RBFOX3: variants seen among roughly 807,000 people sequenced by gnomAD.
RBFOX3 encodes the protein RNA binding protein fox-1 homolog 3.
In RBFOX3, 17 loss-of-function variants were observed where a neutral mutation model predicts 48.7. That is an observed-to-expected ratio of 0.35 (90% CI 0.24 to 0.52). The LOEUF (loss-of-function observed/expected upper bound fraction) is 0.52, where lower values mean the gene tolerates loss of function less well. RBFOX3 is among the 20% of genes least tolerant of loss of function. The pLI, the probability that RBFOX3 is intolerant of heterozygous loss-of-function variation, is 0.94. For missense variants in RBFOX3, 382 were observed against 497.5 expected (o/e 0.77, Z 2.21); for synonymous variants, 212 against 209.5 (o/e 1.01, Z -0.10).
chr17:79,356,348 G>GTTTTTTTTTTTTTTT lies in RBFOX3; in HGVS notation c.-174-48539_-174-48525dup, dbSNP rs58040659. Among the ~76,000 whole-genome samples, 69 of 47,326 alleles carry GTTTTTTTTTTTTTTT rather than the reference G, an allele frequency of 1.5e-3. 4 individuals are homozygous for GTTTTTTTTTTTTTTT. Among genetic ancestry groups the GTTTTTTTTTTTTTTT allele is most frequent in the Non-Finnish European group, 2.2e-3 (54 of 24,438 alleles). The allele number at this position is 47,326 out of a possible 152,430, so 31.0% of individuals were successfully genotyped here. A position where few individuals can be genotyped will look rare whatever the true frequency, so the allele number is the denominator to read the frequency against. ...ACTTTTTCACTTTTAAAACAGGGAA[G>GTTTTTTTTTTTTTTT]TTTTTTTTTTTTTTTTTTTTTTTTT... On this transcript the variant is annotated intron_variant, in intron 2 of 14. Coordinates refer to ENST00000693108, the MANE Select transcript of RBFOX3 (RefSeq NM_001350451.2).
chr17:79,163,901 A>G (rs924050215), intron 4 of RBFOX3, among the ~76,000 whole-genome samples: 15 of 152,180 alleles, frequency 9.9e-5, no homozygotes, highest in Non-Finnish European at 1.8e-4. Flanking sequence ...CTGAACTCTT[A>G]TGCTGAGCCA....
At chr17:79,326,499 G>A (rs532560785) in intron 2 of RBFOX3, among the ~76,000 whole-genome samples, 29 of 152,294 alleles carry the variant, frequency 1.9e-4, no homozygotes, top group Non-Finnish European at 3.1e-4. Context: ...ACTGGATGCC[G>A]TCTATATATT....
rs528663415 is a variant in RBFOX3 at position 79,097,868 on chromosome 17, G to A, written c.569-123C>T. 2.6e-3 allele frequency: 2,626 copies of A among 1,024,202 alleles called. 2 individuals are homozygous for A. The highest frequency in any genetic ancestry group is 3.3e-3 in the Non-Finnish European group (2,251 of 675,954). The allele number at this position is 1,024,202 out of a possible 1,614,324, so 63.4% of individuals were successfully genotyped here. The stretch of plus-strand genomic sequence containing the variant: ...GGGAACATTCCCAGGGCGCCTCCCC[G>A]CGCCGGGCCCCCCTTTCCCACACTG... On this transcript the variant is annotated intron_variant, in intron 9 of 14. Coordinates refer to ENST00000693108, the MANE Select transcript of RBFOX3 (RefSeq NM_001350451.2).
At chr17:79,217,376 GGGGATACCCCT>G (rs2059194035) in intron 4 of RBFOX3, among the ~76,000 whole-genome samples, 1 of 152,234 alleles carries the variant, frequency 6.6e-6, no homozygotes, top group Admixed American at 6.5e-5. Flanking sequence ...TGCTGCTTCA[GGGGATACCCCT>G]GGCCAGGTCC....
chr17:79,105,110 C>A (rs2077125366), intron 6 of RBFOX3, among the ~76,000 whole-genome samples: 1 of 152,232 alleles, frequency 6.6e-6, no homozygotes, highest in South Asian at 2.1e-4. Flanking sequence ...GCAGTGCAGG[C>A]AACTGATGGG....
At chr17:79,179,232 C>T (rs2051301533) in intron 4 of RBFOX3, among the ~76,000 whole-genome samples, 2 of 152,194 alleles carry the variant, frequency 1.3e-5, no homozygotes, top group African/African-American at 4.8e-5. Flanking sequence ...CCTAATGAAT[C>T]TCAGAACAGA....
At chr17:79,181,664 G>C in intron 4 of RBFOX3, among the ~76,000 whole-genome samples, 1 of 151,602 alleles carries the variant, frequency 6.6e-6, no homozygotes, top group East Asian at 1.9e-4. Context: ...CTCTGCCACT[G>C]CTGGCCACCC....
At position 79,386,559 on chromosome 17, in the gene RBFOX3, G is replaced by A. The variant is rs117236897; in HGVS notation, c.-174-78735C>T. 6.6e-3 allele frequency among the ~76,000 whole-genome samples: 1,003 copies of A among 152,336 alleles called. 4 individuals are homozygous for A. Among genetic ancestry groups the A allele is most frequent in the Non-Finnish European group, 0.011 (721 of 68,034 alleles). ...ACCATGATGTCAGTGAGTGACAGAG[G>A]AAGGAGCCCCCAAGTGTTCTGTTCT... On this transcript the variant is annotated intron_variant, in intron 2 of 14. Coordinates refer to ENST00000693108, the MANE Select transcript of RBFOX3 (RefSeq NM_001350451.2).
chr17:79,387,678 C>T (rs942744007), intron 2 of RBFOX3, among the ~76,000 whole-genome samples: 4 of 152,196 alleles, frequency 2.6e-5, no homozygotes, highest in African/African-American at 7.2e-5. Flanking sequence ...ACTGGGGGCC[C>T]CCAGGCTGGG....
chr17:79,344,541 T>TTATTTATG (rs886660588), intron 2 of RBFOX3, among the ~76,000 whole-genome samples: 1 of 24,742 alleles, frequency 4.0e-5, no homozygotes, highest in African/African-American at 1.6e-4. Flanking sequence ...CTTTGTTTGA[T>TTATTTATG]TATTTATTTA....
Position 79,279,702 on chromosome 17 carries a change from C to T in RBFOX3, c.-74+28022G>A, listed in dbSNP as rs563424560. On this transcript the variant is annotated intron_variant, in intron 3 of 14. Transcript: ENST00000693108. ...GCCAGCAAGGCACTCCCACGGCAGA[C>T]AGCTCTGCCCTGCAGGCTCGTGGTT... 7.9e-5 allele frequency among the ~76,000 whole-genome samples: 12 copies of T among 152,374 alleles called. 1 individual carries two copies. The highest frequency in any genetic ancestry group is 2.6e-4 in the African/African-American group (11 of 41,582).
chr17:79,593,462 C>A (rs1282504320), intron 1 of RBFOX3, among the ~76,000 whole-genome samples: 2 of 152,180 alleles, frequency 1.3e-5, no homozygotes, highest in East Asian at 3.9e-4. Flanking sequence ...TATTACAGAA[C>A]CAGGTCACAT....
intron 3 of RBFOX3, among the ~76,000 whole-genome samples, chr17:79,238,959 G>A (rs1413900136): frequency 1.3e-5 from 2 of 152,088 alleles, no homozygotes; most frequent in Non-Finnish European, 1.5e-5. Context: ...GGAGCTCCCC[G>A]AGCCCAGCTT....
intron 4 of RBFOX3, among the ~76,000 whole-genome samples, chr17:79,201,337 G>A (rs2056726883): frequency 6.6e-6 from 1 of 152,190 alleles, no homozygotes; most frequent in Admixed American, 6.5e-5. Context: ...TGACCTGGGT[G>A]GGAGAGGGGA....
chr17:79,220,496 G>A lies in RBFOX3; in HGVS notation c.-34+15270C>T, dbSNP rs537020625. Among the ~76,000 whole-genome samples, 3 of 152,156 alleles carry A rather than the reference G, an allele frequency of 2.0e-5. No homozygotes were observed. Among genetic ancestry groups the A allele is most frequent in the East Asian group, 1.9e-4 (1 of 5,150 alleles). ...CTCGCCCATCGATGGGGTCCTGCCCGGCACTGCCCTGTCGCAGTCACTCCT... is the reference window on the plus strand; with the variant it reads ...CTCGCCCATCGATGGGGTCCTGCCCAGCACTGCCCTGTCGCAGTCACTCCT... On this transcript the variant is annotated intron_variant, in intron 4 of 14. Transcript: ENST00000693108. The surrounding 1 kb of genome is among the most constrained non-coding windows in gnomAD (Gnocchi z 5.9).
At chr17:79,239,688 A>T (rs1051437654) in intron 3 of RBFOX3, among the ~76,000 whole-genome samples, 1 of 152,212 alleles carries the variant, frequency 6.6e-6, no homozygotes, top group Admixed American at 6.5e-5. Context: ...CTAGACTGTG[A>T]TGCCCCCATG....
At chr17:79,470,416 C>G (rs1417511689) in intron 2 of RBFOX3, among the ~76,000 whole-genome samples, 13 of 152,174 alleles carry the variant, frequency 8.5e-5, no homozygotes, top group Admixed American at 7.9e-4. Context: ...ACAGCTCCCC[C>G]CGAGGCTACT....
chr17:79,283,658 T>C (rs117923387), intron 3 of RBFOX3, among the ~76,000 whole-genome samples: 4,624 of 152,316 alleles, frequency 0.03, 113 homozygotes, highest in East Asian at 0.068. Flanking sequence ...GGAGGATGCC[T>C]GGGCAGCCCA....
At chr17:79,345,916 T>TTTTG (rs1030792725) in intron 2 of RBFOX3, among the ~76,000 whole-genome samples, 9 of 152,154 alleles carry the variant, frequency 5.9e-5, no homozygotes, top group East Asian at 1.9e-4. Flanking sequence ...GAGATTTGTT[T>TTTTG]TTTGTTTGTT....
Sources: gnomAD v4.1 joint callset for allele counts (sites outside exome capture counted in the v4.1 genomes callset) on GRCh38, gnomAD v4.1.1 for gene constraint, Gnocchi (gnomAD v3.1) non-coding constraint, MANE v1.5 for transcripts, NCBI Gene and HGNC (gene_info 2026-07-23, HGNC 2026-07-21) for gene names.